Variants in ELOVL6 observed in about 807,000 individuals in gnomAD.
The protein encoded by ELOVL6 is very long chain fatty acid elongase 6.
ELOVL6 carries 8 observed loss-of-function variants against 31.7 expected under a neutral mutation model. The observed-to-expected ratio is 0.25, with a 90% confidence interval of 0.15 to 0.45. ELOVL6 has a LOEUF of 0.45. ELOVL6 is among the 20% of genes least tolerant of loss of function. The pLI, the probability that ELOVL6 is intolerant of heterozygous loss-of-function variation, is 1.00. For synonymous variants in ELOVL6, 101 were observed against 117.7 expected (o/e 0.86, Z 0.92); for missense variants, 126 against 326.4 (o/e 0.39, Z 4.73).
At position 110,117,922 on chromosome 4, in the gene ELOVL6, A is replaced by ATC. The variant is rs1553958775; in HGVS notation, c.90-12295_90-12294insGA. ...AAAAAAAATATATATATATATATAT[A>ATC]TATCTCCCCAGAGAGGAGAAAAAGG... On this transcript the variant is annotated intron_variant, in intron 1 of 3. Transcript: ENST00000302274. 50 of 25,368 alleles carry ATC rather than the reference A, an allele frequency of 2.0e-3. 10 individuals are homozygous for ATC. The highest frequency in any genetic ancestry group is 0.011 in the East Asian group (6 of 530). The allele number at this position is 25,368 out of a possible 1,614,324, so 1.6% of individuals were successfully genotyped here.
chr4:110,166,528 G>T (rs1307065959), intron 1 of ELOVL6, among the ~76,000 whole-genome samples: 1 of 152,072 alleles, frequency 6.6e-6, no homozygotes, highest in South Asian at 2.1e-4. Context: ...CAGGAGAATC[G>T]CTTGAACCCG....
At chr4:110,177,255 T>C (rs961419587) in intron 1 of ELOVL6, among the ~76,000 whole-genome samples, 5 of 152,086 alleles carry the variant, frequency 3.3e-5, no homozygotes, top group African/African-American at 9.7e-5. Context: ...CTGGGCAACA[T>C]AGCATGACCC....
chr4:110,112,740 G>T (rs191783178), intron 1 of ELOVL6, among the ~76,000 whole-genome samples: 1 of 151,982 alleles, frequency 6.6e-6, no homozygotes, highest in Non-Finnish European at 1.5e-5. Flanking sequence ...TGGGTGTGGT[G>T]GTACATGCTT....
rs140535360 is a variant in ELOVL6, at chr4:110,172,807, C to T, written c.89+25440G>A. ...TGCTAAGAGCTTTTAAGTCTTGTTA[C>T]AGTGAAACAATGGACATATACCCCT... On this transcript the variant is annotated intron_variant, in intron 1 of 3. Transcript: ENST00000302274. 3.9e-4 allele frequency among the ~76,000 whole-genome samples: 60 copies of T among 152,300 alleles called. 1 individual carries two copies. The highest frequency in any genetic ancestry group is 1.3e-3 in the African/African-American group (52 of 41,560).
chr4:110,157,531 C>T (rs544318528), intron 1 of ELOVL6, among the ~76,000 whole-genome samples: 2 of 151,984 alleles, frequency 1.3e-5, no homozygotes, highest in East Asian at 1.9e-4. Flanking sequence ...ATTAGCTGCA[C>T]GTGGTGGCAT....
chr4:110,124,899 A>G (rs779920831), intron 1 of ELOVL6, among the ~76,000 whole-genome samples: 4 of 152,212 alleles, frequency 2.6e-5, no homozygotes, highest in East Asian at 3.8e-4. Context: ...GTTGCAAAAA[A>G]GTATAATGAT....
intron 1 of ELOVL6, among the ~76,000 whole-genome samples, chr4:110,188,210 C>T (rs546601526): frequency 9.9e-5 from 15 of 152,276 alleles, no homozygotes; most frequent in African/African-American, 3.6e-4. Flanking sequence ...AAATTAATAT[C>T]ACAGAGCAGA....
intron 1 of ELOVL6, 92 bp from the exon 2 acceptor site, chr4:110,105,720 A>C (rs1245832179): frequency 1.7e-6 from 2 of 1,211,392 alleles, no homozygotes; most frequent in Non-Finnish European, 2.3e-6. Flanking sequence ...AGCACTGAAA[A>C]AATATTCTTG....
chr4:110,105,063 T>A (rs1265391980), intron 2 of ELOVL6, among the ~76,000 whole-genome samples: 1 of 152,194 alleles, frequency 6.6e-6, no homozygotes, highest in Non-Finnish European at 1.5e-5. Context: ...AGATGTCCAG[T>A]GTCTGGTCTA....
Position 110,051,813 on chromosome 4 carries a change from G to A in ELOVL6, c.374-51C>T, listed in dbSNP as rs544118582. On this transcript the variant is annotated intron_variant, in intron 3 of 3. Coordinates refer to ENST00000302274, the MANE Select transcript of ELOVL6 (RefSeq NM_024090.3). The surrounding 1 kb of genome is among the most constrained non-coding windows in gnomAD (Gnocchi z 4.8). The stretch of plus-strand genomic sequence containing the variant: ...CGTGAGATCCTTGACCACCAGTAAC[G>A]ATGACTTACAGTTTTGTAAGAGGGT... 6.7e-5 allele frequency: 100 copies of A among 1,499,640 alleles called. No homozygotes were observed. Among genetic ancestry groups the A allele is most frequent in the Non-Finnish European group, 8.8e-5 (96 of 1,095,864 alleles). The allele number at this position is 1,499,640 out of a possible 1,614,324, so 92.9% of individuals were successfully genotyped here.
intron 2 of ELOVL6, among the ~76,000 whole-genome samples, chr4:110,083,160 C>G (rs183013881): frequency 6.6e-6 from 1 of 151,706 alleles, no homozygotes; most frequent in Non-Finnish European, 1.5e-5. Flanking sequence ...TCAATTTTCA[C>G]AAAACCCATA....
chr4:110,115,278 T>C (rs534141090), intron 1 of ELOVL6, among the ~76,000 whole-genome samples: 26 of 152,270 alleles, frequency 1.7e-4, no homozygotes, highest in African/African-American at 6.0e-4. Flanking sequence ...TAAATTGATT[T>C]TGTCAGCAAA....
At chr4:110,078,035 G>A (rs940186676) in intron 2 of ELOVL6, among the ~76,000 whole-genome samples, 2 of 152,130 alleles carry the variant, frequency 1.3e-5, no homozygotes, top group Admixed American at 1.3e-4. Flanking sequence ...GAGAACTTTA[G>A]AGAAAAAAGA....
Position 110,047,649 on chromosome 4 carries a change from G to A in ELOVL6, c.*3689C>T, listed in dbSNP as rs1253918752. 6.6e-6 allele frequency: 1 copy of A among 152,236 alleles called. No homozygotes were observed. Among genetic ancestry groups the A allele is most frequent in the African/African-American group, 2.4e-5 (1 of 41,426 alleles). The allele number at this position is 152,236 out of a possible 1,614,324, so 9.4% of individuals were successfully genotyped here. ...TCACGCCTATAATCCCAGCACTTTG[G>A]GAGACCAAGGCGGGTGGATCCCCTG... is the stretch of plus-strand genomic sequence containing the variant. On this transcript the variant is annotated 3_prime_UTR_variant, in exon 4 of 4. Transcript: ENST00000302274.
intron 1 of ELOVL6, among the ~76,000 whole-genome samples, chr4:110,163,661 C>T (rs1317682440): frequency 2.0e-5 from 3 of 152,172 alleles, no homozygotes; most frequent in Admixed American, 6.6e-5. Context: ...AAATCTACCA[C>T]TGCCAAATGA....
chr4:110,131,538 A>AT (rs1487061681), intron 1 of ELOVL6, among the ~76,000 whole-genome samples: 1 of 151,920 alleles, frequency 6.6e-6, no homozygotes, highest in East Asian at 1.9e-4. Context: ...CATTTACTCA[A>AT]TATCTATAAT....
intron 1 of ELOVL6, among the ~76,000 whole-genome samples, chr4:110,174,446 G>T (rs1333945008): frequency 6.6e-6 from 1 of 152,138 alleles, no homozygotes; most frequent in Non-Finnish European, 1.5e-5. Context: ...AATTACAGGT[G>T]TGAGCCACTG....
intron 1 of ELOVL6, among the ~76,000 whole-genome samples, chr4:110,113,921 A>G (rs1166763078): frequency 6.6e-6 from 1 of 152,192 alleles, no homozygotes; most frequent in Admixed American, 6.5e-5. Context: ...TTAATTTCCA[A>G]TGAGGCAATG....
At chr4:110,158,355 A>G (rs553679672) in intron 1 of ELOVL6, among the ~76,000 whole-genome samples, 2 of 152,050 alleles carry the variant, frequency 1.3e-5, no homozygotes, top group African/African-American at 4.8e-5. Flanking sequence ...ACTAAACATC[A>G]TGTGCTTTAT....
Sources: gnomAD v4.1 joint callset for allele counts (sites outside exome capture counted in the v4.1 genomes callset) on GRCh38, gnomAD v4.1.1 for gene constraint, Gnocchi (gnomAD v3.1) non-coding constraint, MANE v1.5 for transcripts, NCBI Gene and HGNC (gene_info 2026-07-23, HGNC 2026-07-21) for gene names.